Variants in SLC9C1 observed in about 807,000 individuals in gnomAD.
SLC9C1 encodes solute carrier family 9 member C1.
A neutral mutation model predicts 140.9 loss-of-function variants in SLC9C1; 97 were observed. The ratio of observed to expected loss-of-function variants is 0.69; its 90% CI spans 0.58 to 0.82. The LOEUF is 0.82. Among genes scored for constraint, SLC9C1 ranks in the 40% least tolerant of loss-of-function variants. The pLI, the probability that SLC9C1 is intolerant of heterozygous loss-of-function variation, is 0.00. For missense variants in SLC9C1, 1,340 were observed against 1,389.3 expected (o/e 0.96, Z 0.56); for synonymous variants, 440 against 442.6 (o/e 0.99, Z 0.07).
chr3:112,168,770 G>T (rs1445348084), intron 25 of SLC9C1, 107 bp downstream of exon 25: 6 of 1,073,908 alleles, frequency 5.6e-6, no homozygotes, highest in East Asian at 2.5e-5. Flanking sequence ...AAAGGGAGAA[G>T]ATTGGAAGAT....
At chr3:112,201,850 A>G (rs6772480) in intron 18 of SLC9C1, among the ~76,000 whole-genome samples, 115,151 of 151,890 alleles carry the variant, frequency 0.76, 44,032 homozygotes, top group East Asian at 0.99. Context: ...ACAAGGATAG[A>G]GAGAGATGAA....
At chr3:112,252,398 G>A (rs1460537295) in intron 10 of SLC9C1, among the ~76,000 whole-genome samples, 1 of 152,182 alleles carries the variant, frequency 6.6e-6, no homozygotes, top group Non-Finnish European at 1.5e-5. Context: ...GGGGCTACCA[G>A]AGGGAGAGGT....
intron 1 of SLC9C1, among the ~76,000 whole-genome samples, chr3:112,287,969 G>A (rs28448850): frequency 0.011 from 1,603 of 150,742 alleles, 26 homozygotes; most frequent in African/African-American, 0.037. Context: ...CGTGAACCGG[G>A]GAGGCGGAGC....
At chr3:112,231,252 C>T in intron 13 of SLC9C1, 109 bp downstream of exon 13, 1 of 1,344,974 alleles carries the variant, frequency 7.4e-7, no homozygotes, top group South Asian at 1.4e-5. Flanking sequence ...TTCCCTTTGC[C>T]TTTGTAAACA....
rs530616431 is a variant in SLC9C1 at position 112,202,488 on chromosome 3, A to C, written c.2173-89T>G. On this transcript the variant is annotated intron_variant, in intron 17 of 28. Coordinates refer to ENST00000305815, the MANE Select transcript of SLC9C1 (RefSeq NM_183061.3). ...AGTTTAATCAAAATAGTTAATAATA[A>C]GAAATTAAGTGCCCTCAAAGGTAAC... 22 of 1,327,970 alleles carry C rather than the reference A, an allele frequency of 1.7e-5. No homozygotes were observed. The South Asian group carries it at 3.3e-4, about 20-fold the overall frequency. 82.3% of individuals were successfully genotyped at this position (1,327,970 alleles called of 1,614,324 possible). A position where few individuals can be genotyped will look rare whatever the true frequency, so the allele number is the denominator to read the frequency against.
chr3:112,270,724 G>A (rs1040407650), intron 6 of SLC9C1, among the ~76,000 whole-genome samples: 4 of 152,142 alleles, frequency 2.6e-5, no homozygotes, highest in African/African-American at 9.6e-5. Flanking sequence ...GCTGAGGCAT[G>A]AGAATAGCTT....
At chr3:112,213,897 G>A (rs1179789104) in intron 15 of SLC9C1, among the ~76,000 whole-genome samples, 1 of 152,190 alleles carries the variant, frequency 6.6e-6, no homozygotes, top group African/African-American at 2.4e-5. Flanking sequence ...CAAATCAACA[G>A]AATATACATT....
chr3:112,145,036 G>T (rs1463014980), intron 28 of SLC9C1, among the ~76,000 whole-genome samples: 1 of 152,128 alleles, frequency 6.6e-6, no homozygotes, highest in South Asian at 2.1e-4. Context: ...AAAGGGAATG[G>T]TTCCAGCTTT....
At chr3:112,148,481 T>C (rs1233122557) in intron 28 of SLC9C1, among the ~76,000 whole-genome samples, 1 of 152,166 alleles carries the variant, frequency 6.6e-6, no homozygotes, top group Non-Finnish European at 1.5e-5. Flanking sequence ...TTTTTTCCCT[T>C]CCCTTTTCCC....
At chr3:112,196,552 G>C (rs1035579412) in intron 20 of SLC9C1, among the ~76,000 whole-genome samples, 1 of 152,042 alleles carries the variant, frequency 6.6e-6, no homozygotes, top group Non-Finnish European at 1.5e-5. Flanking sequence ...CTTAGGCTCT[G>C]TTAACTTTTA....
At chr3:112,217,633 T>G in intron 14 of SLC9C1, 72 bp from the exon 15 acceptor site, 1 of 1,390,536 alleles carries the variant, frequency 7.2e-7, no homozygotes, top group Non-Finnish European at 9.6e-7. Context: ...ACTGGAAGTT[T>G]AATGTTGTAC....
intron 21 of SLC9C1, 49 bp from the exon 22 acceptor site, chr3:112,180,711 G>T: frequency 6.9e-7 from 1 of 1,445,746 alleles, no homozygotes; most frequent in Non-Finnish European, 9.6e-7. Flanking sequence ...TTTTAGAAGT[G>T]GTTGGGAATG....
intron 28 of SLC9C1, among the ~76,000 whole-genome samples, chr3:112,143,580 G>C (rs1161763681): frequency 6.6e-6 from 1 of 152,020 alleles, no homozygotes; most frequent in Admixed American, 6.6e-5. Context: ...TTTTTAATGG[G>C]GTTGTTTTTT....
In SLC9C1 at chr3:112,274,946, A is replaced by T. The variant is rs146458999; in HGVS notation, c.564T>A (p.Ser188Arg). 2.5e-4 allele frequency: 400 copies of T among 1,575,064 alleles called. 2 individuals are homozygous for T. In the African/African-American group the frequency reaches 4.8e-3, roughly 19 times the overall value. Residue 188 changes from serine (S) to arginine (R), a missense_variant, in exon 6 of 29, where the codon AGT becomes AGA. Transcript: ENST00000305815. The part of the protein sequence containing the change: ...TSVISLITFT[S>R]IMDFDQRLQS... ...GTAGTCTTTGGTCAAAATCCATAAT[A>T]CTAGTAAATGTAATTAATGATATAA...
At position 112,150,613 on chromosome 3, in the gene SLC9C1, T is replaced by C. The variant is rs143090251; in HGVS notation, c.3524+1244A>G. Among the ~76,000 whole-genome samples the C allele has an allele frequency of 1.5e-3, 233 of 152,006 alleles. 1 individual carries two copies. Among genetic ancestry groups the C allele is most frequent in the African/African-American group, 5.3e-3 (220 of 41,462 alleles). On this transcript the variant is annotated intron_variant, in intron 28 of 28. Transcript: ENST00000305815. The stretch of plus-strand genomic sequence containing the variant: ...GCTACTTCAAAGTGGCTGAGGCACA[T>C]TGAAAGCCTCTAATCCGCCATTAAA...
chr3:112,171,000 G>A (rs1317115166), intron 23 of SLC9C1, among the ~76,000 whole-genome samples: 1 of 152,148 alleles, frequency 6.6e-6, no homozygotes, highest in African/African-American at 2.4e-5. Flanking sequence ...GAGCCCCTGA[G>A]GTCAGGAGTT....
chr3:112,194,755 T>C (rs570583484), intron 20 of SLC9C1, among the ~76,000 whole-genome samples: 1 of 152,248 alleles, frequency 6.6e-6, no homozygotes, highest in East Asian at 1.9e-4. Flanking sequence ...AACAACAGTG[T>C]ACAAGGGTTC....
intron 16 of SLC9C1, among the ~76,000 whole-genome samples, chr3:112,206,208 C>G (rs2078043678): frequency 6.7e-6 from 1 of 150,180 alleles, no homozygotes; most frequent in Non-Finnish European, 1.5e-5. Flanking sequence ...AGACACTTCT[C>G]AAAAGAAGAC....
chr3:112,217,796 T>A (rs541003338), intron 14 of SLC9C1, among the ~76,000 whole-genome samples: 14 of 152,258 alleles, frequency 9.2e-5, no homozygotes, highest in African/African-American at 3.4e-4. Context: ...TTGAAAATAA[T>A]AGAGATTTCA....
Sources: allele counts gnomAD v4.1 joint callset (sites outside exome capture counted in the v4.1 genomes callset), GRCh38; gene constraint gnomAD v4.1.1; transcripts MANE v1.5; gene names NCBI Gene and HGNC (gene_info 2026-07-23, HGNC 2026-07-21).